Variants in HELLS observed in about 807,000 individuals in gnomAD.
The protein encoded by HELLS is helicase, lymphoid specific.
In HELLS, 32 loss-of-function variants were observed where a neutral mutation model predicts 120.0. The observed-to-expected ratio is 0.27, with a 90% confidence interval of 0.20 to 0.36. The LOEUF (loss-of-function observed/expected upper bound fraction) is 0.36, where lower values mean the gene tolerates loss of function less well. HELLS is among the 10% of genes least tolerant of loss of function. HELLS has a pLI of 1.00. For missense variants in HELLS, 650 were observed against 993.4 expected (o/e 0.65, Z 4.65); for synonymous variants, 341 against 323.4 (o/e 1.05, Z -0.58).
chr10:94,556,012 A>C (rs1405594956), intron 3 of HELLS, among the ~76,000 whole-genome samples: 3 of 152,212 alleles, frequency 2.0e-5, no homozygotes, highest in East Asian at 3.9e-4. Flanking sequence ...AAACCCAAAG[A>C]GGGGCTTGTG....
chr10:94,588,429 C>T, intron 13 of HELLS, 39 bp downstream of exon 13: 1 of 1,430,400 alleles, frequency 7.0e-7, no homozygotes, highest in Non-Finnish European at 9.3e-7. Context: ...TGAAACTTGA[C>T]ATATAAAATT....
At chr10:94,581,962 T>C (rs1003060939) in intron 11 of HELLS, among the ~76,000 whole-genome samples, 1 of 152,192 alleles carries the variant, frequency 6.6e-6, no homozygotes, top group South Asian at 2.1e-4. Flanking sequence ...GGTCTCCCAA[T>C]GTAAACACAG....
chr10:94,602,431 C>A (rs4918417), downstream of HELLS, among the ~76,000 whole-genome samples: 55,964 of 151,882 alleles, frequency 0.37, 10,841 homozygotes, highest in East Asian at 0.68. Context: ...TGTAATAGAA[C>A]AGCATAAAGG....
chr10:94,602,434 C>CCTTTGGCCTTT (rs1453684184), downstream of HELLS, among the ~76,000 whole-genome samples: 2 of 152,062 alleles, frequency 1.3e-5, no homozygotes, highest in Non-Finnish European at 2.9e-5. Flanking sequence ...AATAGAACAG[C>CCTTTGGCCTTT]ATAAAGGCCA....
At chr10:94,555,585 A>G (rs1375573692) in intron 3 of HELLS, among the ~76,000 whole-genome samples, 1 of 152,048 alleles carries the variant, frequency 6.6e-6, no homozygotes, top group African/African-American at 2.4e-5. Flanking sequence ...TGTTCTATAC[A>G]TCTCTTTCTC....
Position 94,570,060 on chromosome 10 carries a change from G to A in HELLS, c.436-1328G>A, listed in dbSNP as rs550334885. The A allele has an allele frequency of 4.7e-5, 7 of 148,078 alleles. 1 individual carries two copies. Among genetic ancestry groups the A allele is most frequent in the Admixed American group, 2.7e-4 (4 of 14,842 alleles). The allele number at this position is 148,078 out of a possible 1,614,324, so 9.2% of individuals were successfully genotyped here. A position where few individuals can be genotyped will look rare whatever the true frequency, so the allele number is the denominator to read the frequency against. On this transcript the variant is annotated intron_variant, in intron 6 of 21. Transcript: ENST00000348459. ...TTTTTTTTATTTTTATTTTTTTTTGGGAGACAAGATCTTTCTCTGTTGCCC... is the reference window on the plus strand; with the variant it reads ...TTTTTTTTATTTTTATTTTTTTTTGAGAGACAAGATCTTTCTCTGTTGCCC...
At chr10:94,580,117 GTATATATATATATATATATA>G (rs58984411) in intron 10 of HELLS, among the ~76,000 whole-genome samples, 16,089 of 65,496 alleles carry the variant, frequency 0.25, 1,889 homozygotes, top group East Asian at 0.41. Flanking sequence ...CATTATAAAA[GTATATATATATATATATATA>G]TATATATATA....
intron 11 of HELLS, among the ~76,000 whole-genome samples, chr10:94,582,414 T>A (rs963725089): frequency 3.9e-5 from 6 of 152,180 alleles, no homozygotes; most frequent in Non-Finnish European, 1.5e-5. Flanking sequence ...TAAATGTTAC[T>A]AGCATTTTCC....
chr10:94,608,075 C>A, intron 9 of HELLS: 1 of 178,556 alleles, frequency 5.6e-6, no homozygotes, highest in South Asian at 9.6e-5. Context: ...ACATTAAGAA[C>A]ATTAAGTGCT....
At position 94,558,017 on chromosome 10, in the gene HELLS, GT is replaced by G. The variant is rs1232159966; in HGVS notation, c.277-117del. ...GGCTTGAAGTACAAGTTCCTCCCTG[GT>G]TTTTAATTATGATAGACCTTAGTTT... On this transcript the variant is annotated intron_variant, in intron 3 of 21. Coordinates refer to ENST00000348459, the MANE Select transcript of HELLS (RefSeq NM_018063.5). 8 of 1,300,174 alleles carry G rather than the reference GT, an allele frequency of 6.2e-6. No individual in the cohort carries two copies. The African/African-American group carries it at 1.1e-4, about 18-fold the overall frequency. 80.5% of individuals were successfully genotyped at this position (1,300,174 alleles called of 1,614,324 possible).
At chr10:94,559,051 A>T (rs1462377731) in intron 4 of HELLS, among the ~76,000 whole-genome samples, 2 of 152,196 alleles carry the variant, frequency 1.3e-5, no homozygotes, top group Non-Finnish European at 1.5e-5. Flanking sequence ...ATTTATTTGT[A>T]ACCCCAGAGT....
chr10:94,555,887 A>G (rs1018614830), intron 3 of HELLS, among the ~76,000 whole-genome samples: 4 of 152,208 alleles, frequency 2.6e-5, no homozygotes, highest in African/African-American at 7.2e-5. Flanking sequence ...CTGGCCTCCC[A>G]AAGTGCTGGG....
intron 7 of HELLS, among the ~76,000 whole-genome samples, chr10:94,573,365 T>C (rs2134051220): frequency 6.6e-6 from 1 of 152,356 alleles, no homozygotes; most frequent in Middle Eastern, 3.4e-3. Context: ...ATCACAATAT[T>C]AGAAGTTTGG....
chr10:94,613,847 T>G (rs1462457221), exon 10 of HELLS: 1 of 152,222 alleles, frequency 6.6e-6, no homozygotes, highest in African/African-American at 2.4e-5. Flanking sequence ...TTCTGATTAT[T>G]GAGGGTAAAT....
At chr10:94,560,560 G>A (rs1843500463) in intron 4 of HELLS, among the ~76,000 whole-genome samples, 1 of 151,984 alleles carries the variant, frequency 6.6e-6, no homozygotes. Context: ...GCTGGGCGTG[G>A]TGGTGTGTGC....
rs758744430 is a variant in HELLS, at chr10:94,554,264, T to A, written c.276+16T>A. On this transcript the variant is annotated intron_variant, in intron 3 of 21. Coordinates refer to ENST00000348459, the MANE Select transcript of HELLS (RefSeq NM_018063.5). ...ACAATTAGAGGTATGTATATGTAAC[T>A]GACTACAAGTGAAAGCTTAAAAAAA... is the stretch of plus-strand genomic sequence containing the variant. 6.6e-7 allele frequency: 1 copy of A among 1,515,516 alleles called. No individual in the cohort carries two copies. The highest frequency in any genetic ancestry group is 1.4e-5 in the African/African-American group (1 of 69,432). 93.9% of individuals were successfully genotyped at this position (1,515,516 alleles called of 1,614,324 possible).
intron 12 of HELLS, among the ~76,000 whole-genome samples, chr10:94,585,379 G>GTTTT (rs1845078291): frequency 1.1e-5 from 1 of 92,102 alleles, no homozygotes; most frequent in Non-Finnish European, 2.3e-5. Flanking sequence ...TTTTTTGTTT[G>GTTTT]TTTTTGTTTT....
chr10:94,582,197 A>G (rs1331960093), intron 11 of HELLS, among the ~76,000 whole-genome samples: 1 of 152,206 alleles, frequency 6.6e-6, no homozygotes, highest in Non-Finnish European at 1.5e-5. Context: ...ATAATTTTAA[A>G]TTTTGGGAAT....
rs756330021 is a variant in HELLS, at chr10:94,581,388, T to C, written c.1095T>C (p.Arg365=). ...ACAGGATTAAGAATATGAAGTGCCGTCTAATCAGGGAGTTAAAACGATTCA... is the reference window on the plus strand; with the variant it reads ...ACAGGATTAAGAATATGAAGTGCCGCCTAATCAGGGAGTTAAAACGATTCA... ...EGHRIKNMKC[R]LIRELKRFNA... is the part of the protein sequence containing the mutation. The change falls in exon 11 of 22, where the codon CGT becomes CGC. Residue 365 remains arginine (R), a synonymous_variant. Transcript: ENST00000348459. 1.9e-6 allele frequency: 3 copies of C among 1,611,628 alleles called. No individual in the cohort carries two copies.
Sources: gnomAD v4.1 joint callset for allele counts (sites outside exome capture counted in the v4.1 genomes callset) on GRCh38, gnomAD v4.1.1 for gene constraint, MANE v1.5 for transcripts, NCBI Gene and HGNC (gene_info 2026-07-23, HGNC 2026-07-21) for gene names.